The following DNAJC1 variants were observed in gnomAD, a reference collection of about 807,000 sequenced individuals.
DNAJC1 encodes the protein dnaJ homolog subfamily C member 1.
A neutral mutation model predicts 76.6 loss-of-function variants in DNAJC1; 58 were observed. That is an observed-to-expected ratio of 0.76 (90% confidence interval 0.61 to 0.94). The LOEUF is 0.94. DNAJC1 is among the 40% of genes least tolerant of loss of function. The pLI, the probability that DNAJC1 is intolerant of heterozygous loss-of-function variation, is 0.00. For missense variants in DNAJC1, 689 were observed against 677.3 expected (o/e 1.02, Z -0.19); for synonymous variants, 258 against 267.9 (o/e 0.96, Z 0.36).
At chr10:21,946,049 C>CTTTTTTTTTTTTTTTT (rs71510915) in intron 1 of DNAJC1, among the ~76,000 whole-genome samples, 3 of 93,324 alleles carry the variant, frequency 3.2e-5, no homozygotes, top group Non-Finnish European at 5.8e-5. Flanking sequence ...TTCTTTTCCT[C>CTTTTTTTTTTTTTTTT]TTTTTTTTTT....
chr10:21,772,127 G>A lies in DNAJC1; in HGVS notation c.1099-5818C>T, dbSNP rs187866639. Among the ~76,000 whole-genome samples the A allele has an allele frequency of 1.9e-4, 29 of 152,044 alleles. 1 individual carries two copies. The East Asian group carries it at 2.3e-3, about 12-fold the overall frequency. ...GTGATAATTCTTTTTATAAGTTGCC[G>A]AATTCAGTTTGGTGGTATTTTTTGA... is the stretch of plus-strand genomic sequence containing the variant. On this transcript the variant is annotated intron_variant, in intron 9 of 11. Coordinates refer to ENST00000376980, the MANE Select transcript of DNAJC1 (RefSeq NM_022365.4).
intron 8 of DNAJC1, among the ~76,000 whole-genome samples, chr10:21,834,734 G>A (rs559887545): frequency 3.3e-5 from 5 of 152,338 alleles, no homozygotes; most frequent in Non-Finnish European, 7.4e-5. Context: ...TAGCACAGCA[G>A]TCTGAGATCA....
rs372768568 is a variant in DNAJC1 at position 21,834,112 on chromosome 10, A to C, written c.979-28013T>G. 2.6e-5 allele frequency among the ~76,000 whole-genome samples: 4 copies of C among 152,114 alleles called. No individual in the cohort carries two copies. In the East Asian group the frequency reaches 7.8e-4, roughly 30 times the overall value. ...ACCCCATCTCTACTAAAAATACAAA[A>C]AATTAACCGGGCACGGTGGCGGGCG... On this transcript the variant is annotated intron_variant, in intron 8 of 11. Coordinates refer to ENST00000376980, the MANE Select transcript of DNAJC1 (RefSeq NM_022365.4).
intron 9 of DNAJC1, among the ~76,000 whole-genome samples, chr10:21,796,345 A>G (rs771978079): frequency 6.6e-6 from 1 of 152,106 alleles, no homozygotes; most frequent in Non-Finnish European, 1.5e-5. Flanking sequence ...CCATCCATCA[A>G]TGGACATTTA....
rs756499915 is a variant in DNAJC1, at chr10:21,759,618, C to T, written c.1148G>A (p.Gly383Glu). ...QLKDSVTCSP[G>E]MVRLSELKST... ...TTTGAGTTCGGAGAGTCTAACCATT[C>T]CTAGGAAAGAGGGTGTGCCACACAG... The change falls in exon 11 of 12, where the codon GGA becomes GAA. Residue 383 changes from glycine (G) to glutamate (E), a missense_variant and splice_region_variant. Gly to Glu is a moderately conservative substitution (Grantham distance 98). Coordinates refer to ENST00000376980, the MANE Select transcript of DNAJC1 (RefSeq NM_022365.4). The T allele has an allele frequency of 2.5e-6, 4 of 1,611,730 alleles. No individual in the cohort carries two copies. The East Asian group carries it at 6.7e-5, about 27-fold the overall frequency.
At chr10:21,958,413 C>T (rs1380377139) in intron 1 of DNAJC1, among the ~76,000 whole-genome samples, 1 of 151,166 alleles carries the variant, frequency 6.6e-6, no homozygotes, top group African/African-American at 2.4e-5. Flanking sequence ...TTCCTTGTAC[C>T]TGTCTCCACA....
At chr10:21,802,835 G>C (rs1178401202) in intron 9 of DNAJC1, among the ~76,000 whole-genome samples, 1 of 152,130 alleles carries the variant, frequency 6.6e-6, no homozygotes, top group Non-Finnish European at 1.5e-5. Context: ...TCATGTTAAA[G>C]TTGGTTTTAC....
chr10:21,963,710 G>A (rs1298151191), intron 1 of DNAJC1, among the ~76,000 whole-genome samples: 3 of 151,956 alleles, frequency 2.0e-5, no homozygotes, highest in Admixed American at 6.6e-5. Flanking sequence ...TATAAACAGC[G>A]TACATTAATT....
At chr10:21,828,815 T>C (rs1262281549) in intron 8 of DNAJC1, among the ~76,000 whole-genome samples, 1 of 152,226 alleles carries the variant, frequency 6.6e-6, no homozygotes, top group Non-Finnish European at 1.5e-5. Flanking sequence ...TTTTTCATGA[T>C]ACACATATTT....
At chr10:21,826,458 T>C (rs1835256319) in intron 8 of DNAJC1, among the ~76,000 whole-genome samples, 1 of 152,130 alleles carries the variant, frequency 6.6e-6, no homozygotes, top group South Asian at 2.1e-4. Flanking sequence ...ACCTGGCCCA[T>C]TTTCAGTCTC....
chr10:21,841,979 C>G (rs1417141387), intron 8 of DNAJC1, among the ~76,000 whole-genome samples: 1 of 151,514 alleles, frequency 6.6e-6, no homozygotes, highest in African/African-American at 2.4e-5. Flanking sequence ...CCATCATTCT[C>G]AGCAAAGTAT....
At chr10:21,821,370 T>C (rs912708402) in intron 8 of DNAJC1, among the ~76,000 whole-genome samples, 4 of 152,222 alleles carry the variant, frequency 2.6e-5, no homozygotes, top group Admixed American at 2.0e-4. Context: ...TAAAATTACA[T>C]TATATTATGA....
intron 8 of DNAJC1, among the ~76,000 whole-genome samples, chr10:21,851,887 T>C (rs929740588): frequency 6.6e-6 from 1 of 151,874 alleles, no homozygotes; most frequent in African/African-American, 2.4e-5. Context: ...ACCCCATCTC[T>C]ACTAAAAATA....
At chr10:21,878,133 C>G (rs1416421071) in intron 8 of DNAJC1, among the ~76,000 whole-genome samples, 1 of 152,154 alleles carries the variant, frequency 6.6e-6, no homozygotes, top group Non-Finnish European at 1.5e-5. Flanking sequence ...CTCGAGAACA[C>G]TCCTAGCATC....
chr10:21,951,146 C>G (rs1413385059), intron 1 of DNAJC1, among the ~76,000 whole-genome samples: 1 of 151,980 alleles, frequency 6.6e-6, no homozygotes. Flanking sequence ...ATGGTGAAAC[C>G]ACGTCTCTAC....
At chr10:21,824,021 C>A (rs1295063721) in intron 8 of DNAJC1, among the ~76,000 whole-genome samples, 1 of 152,120 alleles carries the variant, frequency 6.6e-6, no homozygotes, top group Non-Finnish European at 1.5e-5. Context: ...CCTTGAGTAT[C>A]TTAGCATACA....
In DNAJC1 at chr10:21,764,257, A is replaced by ATT. The variant is rs1450540369; in HGVS notation, c.1147+2002_1147+2003dup. Among the ~76,000 whole-genome samples, 23 of 152,358 alleles carry ATT rather than the reference A, an allele frequency of 1.5e-4. No homozygotes were observed. The South Asian group carries it at 3.3e-3, about 22-fold the overall frequency. Reference sequence around the variant, plus strand: ...ACGGAGTGAAAAAATGTAAAACAGTATTGCGGTACAGTCCCATTCTTGTAA... The same window carrying ATT: ...ACGGAGTGAAAAAATGTAAAACAGTATTTTGCGGTACAGTCCCATTCTTGTAA... On this transcript the variant is annotated intron_variant, in intron 10 of 11. Transcript: ENST00000376980.
intron 6 of DNAJC1, among the ~76,000 whole-genome samples, chr10:21,912,770 A>G (rs1394943644): frequency 1.3e-5 from 2 of 151,840 alleles, no homozygotes; most frequent in Non-Finnish European, 2.9e-5. Context: ...TTTTCCTGCT[A>G]ATTAGCTGTG....
chr10:21,775,153 C>T (rs1393059081), intron 9 of DNAJC1, among the ~76,000 whole-genome samples: 3 of 151,978 alleles, frequency 2.0e-5, no homozygotes, highest in African/African-American at 7.3e-5. Context: ...TGCAGCCATA[C>T]CTTTTTTTTT....
Sources: allele counts gnomAD v4.1 joint callset (sites outside exome capture counted in the v4.1 genomes callset), GRCh38; gene constraint gnomAD v4.1.1; transcripts MANE v1.5; gene names NCBI Gene and HGNC (gene_info 2026-07-23, HGNC 2026-07-21).